Variants in JPH3 observed in about 807,000 individuals in gnomAD.
JPH3 encodes junctophilin 3.
In JPH3, 11 loss-of-function variants were observed where a neutral mutation model predicts 59.6. That is an observed-to-expected ratio of 0.18 (90% CI 0.12 to 0.31). JPH3 has a LOEUF of 0.31. Among genes scored for constraint, JPH3 ranks in the 10% least tolerant of loss-of-function variants. The pLI is 1.00. For missense variants in JPH3, 1,202 were observed against 1,105.7 expected, an observed-to-expected ratio of 1.09 and a Z score of -1.24; for synonymous variants, 673 against 483.6, an observed-to-expected ratio of 1.39 and a Z score of -5.14.
At chr16:87,677,812 C>G (rs2033189699) in intron 2 of JPH3, among the ~76,000 whole-genome samples, 1 of 152,240 alleles carries the variant, frequency 6.6e-6, no homozygotes, top group Non-Finnish European at 1.5e-5. Flanking sequence ...CCGCTCCTGT[C>G]TCCACGAACC....
At chr16:87,695,515 C>T (rs1463872678) in intron 4 of JPH3, 34 of 452,884 alleles carry the variant, frequency 7.5e-5, no homozygotes, top group Non-Finnish European at 1.0e-4. Flanking sequence ...CAGGTGGCTG[C>T]GAGATGCAGG....
At chr16:87,645,786 C>T (rs1003713485) in intron 2 of JPH3, among the ~76,000 whole-genome samples, 13 of 152,140 alleles carry the variant, frequency 8.5e-5, no homozygotes, top group African/African-American at 2.4e-4. Flanking sequence ...AGTGTGTGAG[C>T]CAGGGGCTGG....
chr16:87,684,781 A>T (rs2033376961), intron 3 of JPH3, among the ~76,000 whole-genome samples: 1 of 152,158 alleles, frequency 6.6e-6, no homozygotes, highest in Non-Finnish European at 1.5e-5. Flanking sequence ...GCCCCTCGGA[A>T]AGAGCTGGAA....
Position 87,644,769 on chromosome 16 carries a change from C to G in JPH3, c.894C>G (p.Ser298=). ...YVGEWKNDKR[S]GFGVSQRSDG... is the part of the protein sequence containing the mutation. ...GCGAGTGGAAGAACGACAAACGCTC[C>G]GGCTTCGGCGTGAGCCAGCGCTCGG... The change falls in exon 2 of 5, where the codon TCC becomes TCG. Residue 298 remains serine (S), a synonymous_variant. Transcript: ENST00000284262. 2 of 1,613,302 alleles carry G rather than the reference C, an allele frequency of 1.2e-6. No individual in the cohort carries two copies. The highest frequency in any genetic ancestry group is 1.3e-5 in the African/African-American group (1 of 75,006).
At chr16:87,632,656 G>A (rs1435649377) in intron 1 of JPH3, among the ~76,000 whole-genome samples, 1 of 152,206 alleles carries the variant, frequency 6.6e-6, no homozygotes, top group African/African-American at 2.4e-5. Context: ...ACTTTGGGAG[G>A]CCAAGACGGG....
rs773180234 is a variant in JPH3 at position 87,656,612 on chromosome 16, T to C, written c.1160+11577T>C. On this transcript the variant is annotated intron_variant, in intron 2 of 4. Transcript: ENST00000284262. ...TGAATCAGTCAGTGCCTGGGAACAT[T>C]CGAGGCCCTGGCTTGGGTTCAAGCC... is the stretch of plus-strand genomic sequence containing the variant. Among the ~76,000 whole-genome samples the C allele has an allele frequency of 2.2e-3, 335 of 152,292 alleles. 5 individuals are homozygous for C. Among genetic ancestry groups the C allele is most frequent in the Non-Finnish European group, 8.2e-4 (56 of 68,014 alleles).
intron 2 of JPH3, among the ~76,000 whole-genome samples, chr16:87,647,356 G>T (rs1023340123): frequency 1.2e-4 from 18 of 151,972 alleles, no homozygotes; most frequent in African/African-American, 4.3e-4. Flanking sequence ...GTCTCCTGGG[G>T]AGGCATTTTA....
At chr16:87,683,621 C>G (rs937363701) in intron 2 of JPH3, among the ~76,000 whole-genome samples, 8 of 140,570 alleles carry the variant, frequency 5.7e-5, no homozygotes, top group Non-Finnish European at 1.1e-4. Flanking sequence ...TTTTTTTTTT[C>G]CTTGAGACAG....
chr16:87,684,747 G>A (rs540763028), intron 3 of JPH3, among the ~76,000 whole-genome samples: 4 of 152,354 alleles, frequency 2.6e-5, no homozygotes, highest in Admixed American at 6.5e-5. Context: ...GTTGGACAGC[G>A]TCACAAATGG....
intron 2 of JPH3, among the ~76,000 whole-genome samples, chr16:87,682,169 C>T (rs941352677): frequency 1.3e-5 from 2 of 152,130 alleles, no homozygotes; most frequent in Non-Finnish European, 2.9e-5. Context: ...TTCCTGGACA[C>T]GTGTTCTTGG....
In JPH3 at chr16:87,626,248, T is replaced by C. The variant is rs16943082; in HGVS notation, c.383-18010T>C. The stretch of plus-strand genomic sequence containing the variant: ...ATCATTTTTATCCTGTGATATTTCA[T>C]TGTGCACACGTGCAGACTGAGGTTG... On this transcript the variant is annotated intron_variant, in intron 1 of 4. Coordinates refer to ENST00000284262, the MANE Select transcript of JPH3 (RefSeq NM_020655.4). Among the ~76,000 whole-genome samples, 848 of 152,242 alleles carry C rather than the reference T, an allele frequency of 5.6e-3. 8 individuals carry two copies. The highest frequency in any genetic ancestry group is 0.019 in the African/African-American group (807 of 41,516).
chr16:87,639,665 C>T (rs1272565047), intron 1 of JPH3, among the ~76,000 whole-genome samples: 1 of 82,658 alleles, frequency 1.2e-5, no homozygotes, highest in Non-Finnish European at 3.1e-5. Context: ...CCTGTCCTCC[C>T]TCCTGTCCTC....
chr16:87,626,707 T>C (rs956203362), intron 1 of JPH3, among the ~76,000 whole-genome samples: 1 of 152,036 alleles, frequency 6.6e-6, no homozygotes, highest in African/African-American at 2.4e-5. Flanking sequence ...CTTGGGAAGG[T>C]TGGGATGGTT....
At chr16:87,689,294 C>A (rs2142833307) in intron 3 of JPH3, among the ~76,000 whole-genome samples, 1 of 152,254 alleles carries the variant, frequency 6.6e-6, no homozygotes, top group South Asian at 2.1e-4. Flanking sequence ...CTCTTACCCT[C>A]AGGACAGGCG....
intron 2 of JPH3, among the ~76,000 whole-genome samples, chr16:87,645,804 C>A (rs952687216): frequency 8.5e-5 from 13 of 152,116 alleles, no homozygotes; most frequent in African/African-American, 2.4e-4. Context: ...TGGTCCCCGC[C>A]AAGCTGTGGC....
intron 1 of JPH3, among the ~76,000 whole-genome samples, chr16:87,637,411 A>AGT (rs1236027500): frequency 2.7e-5 from 3 of 112,050 alleles, no homozygotes; most frequent in South Asian, 2.8e-4. Flanking sequence ...AGAGAGAGAG[A>AGT]GTGTGTGTGT....
chr16:87,649,549 C>G lies in JPH3; in HGVS notation c.1160+4514C>G, dbSNP rs562136046. Among the ~76,000 whole-genome samples, 4 of 152,244 alleles carry G rather than the reference C, an allele frequency of 2.6e-5. No individual in the cohort carries two copies. The South Asian group carries it at 6.2e-4, about 24-fold the overall frequency. ...GGGAATCGGAATGTAAATGTGTCAC[C>G]CATCCTAGAGAAGAAAGTCCTGCAG... On this transcript the variant is annotated intron_variant, in intron 2 of 4. Coordinates refer to ENST00000284262, the MANE Select transcript of JPH3 (RefSeq NM_020655.4).
intron 2 of JPH3, among the ~76,000 whole-genome samples, chr16:87,656,900 CCTT>C (rs1227002796): frequency 6.6e-6 from 1 of 152,172 alleles, no homozygotes; most frequent in South Asian, 2.1e-4. Flanking sequence ...TCCTCGGGCT[CCTT>C]CTCGCTCTGT....
At position 87,604,329 on chromosome 16, in the gene JPH3, G is replaced by GC. The variant is rs1555532858; in HGVS notation, c.382+801_382+802insC. 256 of 1,468,040 alleles carry GC rather than the reference G, an allele frequency of 1.7e-4. 1 individual carries two copies. The African/African-American group carries it at 3.1e-3, about 18-fold the overall frequency. 90.9% of individuals were successfully genotyped at this position (1,468,040 alleles called of 1,614,324 possible). ...TGCTGCTGCTGCTGCTGCTGCTGCT[G>GC]TAAGATGGTTTCTGTGCAGGGAACC... is the stretch of plus-strand genomic sequence containing the variant. On this transcript the variant is annotated intron_variant, in intron 1 of 4. Coordinates refer to ENST00000284262, the MANE Select transcript of JPH3 (RefSeq NM_020655.4).
Sources: allele counts gnomAD v4.1 joint callset (sites outside exome capture counted in the v4.1 genomes callset), GRCh38; gene constraint gnomAD v4.1.1; transcripts MANE v1.5; gene names NCBI Gene and HGNC (gene_info 2026-07-23, HGNC 2026-07-21).